The following SOBP variants were observed in gnomAD, a reference collection of about 807,000 sequenced individuals.
The protein encoded by SOBP is sine oculis binding protein homolog, also known as sine oculis-binding protein homolog.
A neutral mutation model predicts 53.6 loss-of-function variants in SOBP; 4 were observed. The ratio of observed to expected loss-of-function variants is 0.07; its 90% CI spans 0.04 to 0.17. SOBP has a LOEUF of 0.17. Among genes scored for constraint, SOBP ranks in the 10% least tolerant of loss-of-function variants. The pLI, the probability that SOBP is intolerant of heterozygous loss-of-function variation, is 1.00. For synonymous variants in SOBP, 584 were observed against 522.6 expected (o/e 1.12, Z -1.60); for missense variants, 1,088 against 1,204.7 (o/e 0.90, Z 1.43).
At chr6:107,603,973 G>C (rs1786276625) in intron 5 of SOBP, among the ~76,000 whole-genome samples, 1 of 152,312 alleles carries the variant, frequency 6.6e-6, no homozygotes, top group South Asian at 2.1e-4. Flanking sequence ...TATACTCACA[G>C]GCAGACATGG....
At chr6:107,582,834 TA>T (rs1461549487) in intron 4 of SOBP, among the ~76,000 whole-genome samples, 1 of 152,196 alleles carries the variant, frequency 6.6e-6, no homozygotes, top group African/African-American at 2.4e-5. Context: ...AGTGGATATC[TA>T]GAGCCGACAG....
intron 6 of SOBP, among the ~76,000 whole-genome samples, chr6:107,656,309 A>AAGAC (rs1465160246): frequency 0.048 from 935 of 19,594 alleles, 14 homozygotes; most frequent in East Asian, 0.16. Flanking sequence ...GAAAGAAAGA[A>AAGAC]AGAAAGAAAG....
chr6:107,592,547 A>G (rs1378021314), intron 5 of SOBP, among the ~76,000 whole-genome samples: 1 of 152,200 alleles, frequency 6.6e-6, no homozygotes, highest in Non-Finnish European at 1.5e-5. Flanking sequence ...CTCAACATGA[A>G]TTTACATACT....
intron 5 of SOBP, among the ~76,000 whole-genome samples, chr6:107,619,598 G>A (rs1434110694): frequency 2.6e-5 from 4 of 152,078 alleles, no homozygotes; most frequent in Non-Finnish European, 5.9e-5. Context: ...TGGTAGGGTC[G>A]GTGGGGTGGG....
At chr6:107,570,106 A>G (rs1409826890) in intron 4 of SOBP, among the ~76,000 whole-genome samples, 1 of 152,216 alleles carries the variant, frequency 6.6e-6, no homozygotes, top group Non-Finnish European at 1.5e-5. Context: ...TTACAGAGGA[A>G]TACCACTGGG....
At chr6:107,521,913 C>A (rs1324852314) in intron 3 of SOBP, among the ~76,000 whole-genome samples, 1 of 11,720 alleles carries the variant, frequency 8.5e-5, no homozygotes, top group Non-Finnish European at 7.4e-4. Context: ...CATTAAAACA[C>A]ACACACACAC....
chr6:107,661,246 C>T lies in SOBP; in HGVS notation c.*3043C>T, dbSNP rs896311465. Among the ~76,000 whole-genome samples, 1 of 152,174 alleles carries T rather than the reference C, an allele frequency of 6.6e-6. No individual in the cohort carries two copies. Among genetic ancestry groups the T allele is most frequent in the Non-Finnish European group, 1.5e-5 (1 of 68,036 alleles). ...CCTCTTCCTTCTCACGATCTTACTG[C>T]TGTCTGAATGCACAATTCTCTTGGG... On this transcript the variant is annotated 3_prime_UTR_variant, in exon 7 of 7. Coordinates refer to ENST00000317357, the MANE Select transcript of SOBP (RefSeq NM_018013.4).
intron 4 of SOBP, among the ~76,000 whole-genome samples, chr6:107,537,876 C>T (rs1349074008): frequency 3.3e-5 from 5 of 150,504 alleles, no homozygotes; most frequent in Non-Finnish European, 7.4e-5. Flanking sequence ...ATTGTGGTTC[C>T]CCAGCAGATC....
chr6:107,580,669 T>G (rs1456013272), intron 4 of SOBP, among the ~76,000 whole-genome samples: 1 of 152,178 alleles, frequency 6.6e-6, no homozygotes, highest in Non-Finnish European at 1.5e-5. Flanking sequence ...GAGAATTTGT[T>G]GGGCAAAGAC....
chr6:107,504,720 T>C (rs1196723121), intron 2 of SOBP, among the ~76,000 whole-genome samples: 3 of 152,266 alleles, frequency 2.0e-5, no homozygotes, highest in African/African-American at 4.8e-5. Flanking sequence ...TCCCTTCTTA[T>C]ATGCCAAGCA....
chr6:107,542,020 T>C (rs1475099103), intron 4 of SOBP, among the ~76,000 whole-genome samples: 1 of 152,148 alleles, frequency 6.6e-6, no homozygotes, highest in African/African-American at 2.4e-5. Context: ...GTTTTAGTCT[T>C]GGTGGGTAGA....
chr6:107,599,605 T>A (rs1786099897), intron 5 of SOBP, among the ~76,000 whole-genome samples: 1 of 117,728 alleles, frequency 8.5e-6, no homozygotes, highest in African/African-American at 3.8e-5. Context: ...TAAGATGATT[T>A]TTGAGAAAAA....
intron 5 of SOBP, among the ~76,000 whole-genome samples, chr6:107,618,694 A>G (rs993362873): frequency 1.3e-5 from 2 of 152,246 alleles, no homozygotes; most frequent in African/African-American, 4.8e-5. Context: ...GTGCACGTGA[A>G]GAGGCTGCTC....
intron 3 of SOBP, chr6:107,511,796 C>G (rs1250520213): frequency 6.6e-6 from 1 of 152,254 alleles, no homozygotes; most frequent in Non-Finnish European, 1.5e-5. Context: ...CCTGCTCTGG[C>G]CACACATGTG....
chr6:107,610,510 G>A (rs1251724401), intron 5 of SOBP, among the ~76,000 whole-genome samples: 2 of 152,216 alleles, frequency 1.3e-5, no homozygotes, highest in African/African-American at 4.8e-5. Context: ...GTCCTCGCAG[G>A]TGCCACATGG....
intron 4 of SOBP, among the ~76,000 whole-genome samples, chr6:107,579,524 T>C (rs138743344): frequency 6.6e-6 from 1 of 152,268 alleles, no homozygotes; most frequent in African/African-American, 2.4e-5. Flanking sequence ...ATGAACATGA[T>C]ATATTTTAGT....
rs916155986 is a variant in SOBP at position 107,532,249 on chromosome 6, A to T, written c.422-1210A>T. On this transcript the variant is annotated intron_variant, in intron 3 of 6. Coordinates refer to ENST00000317357, the MANE Select transcript of SOBP (RefSeq NM_018013.4). Reference sequence around the variant, plus strand: ...ATCAGTCTCTCTCTCTCTCACACACACACACACACACACACACACACACCA... The same window carrying T: ...ATCAGTCTCTCTCTCTCTCACACACTCACACACACACACACACACACACCA... Among the ~76,000 whole-genome samples the T allele has an allele frequency of 4.2e-4, 63 of 150,168 alleles. 1 individual carries two copies. The highest frequency in any genetic ancestry group is 1.3e-3 in the African/African-American group (54 of 40,244).
chr6:107,576,083 C>T (rs1358234201), intron 4 of SOBP, among the ~76,000 whole-genome samples: 1 of 152,128 alleles, frequency 6.6e-6, no homozygotes, highest in Non-Finnish European at 1.5e-5. Flanking sequence ...AGATATTTTT[C>T]TTCCTTAAGT....
intron 4 of SOBP, among the ~76,000 whole-genome samples, chr6:107,575,574 G>C (rs1010422771): frequency 2.6e-5 from 4 of 152,134 alleles, no homozygotes; most frequent in Non-Finnish European, 5.9e-5. Context: ...GGAACAAACA[G>C]AAGGGGTGGG....
Sources: allele counts gnomAD v4.1 joint callset (sites outside exome capture counted in the v4.1 genomes callset), GRCh38; gene constraint gnomAD v4.1.1; transcripts MANE v1.5; gene names NCBI Gene and HGNC (gene_info 2026-07-23, HGNC 2026-07-21).